The following OSBPL2 variants were observed in gnomAD, a reference collection of about 807,000 sequenced individuals.
The protein encoded by OSBPL2 is oxysterol-binding protein-related protein 2.
Under a neutral mutation model 58.4 loss-of-function variants are expected in OSBPL2, and 18 were observed. The observed-to-expected ratio is 0.31, with a 90% CI of 0.21 to 0.46. The LOEUF is 0.46. Ranked by LOEUF, OSBPL2 falls within the 20% of genes least tolerant of loss-of-function variation. The probability of loss-of-function intolerance (pLI) is 1.00; values close to 1 mark genes in which losing one functional copy is unlikely to be tolerated. For synonymous variants in OSBPL2, 221 were observed against 234.1 expected (o/e 0.94, Z 0.51); for missense variants, 461 against 616.5 (o/e 0.75, Z 2.67).
chr20:62,293,886 G>A lies in OSBPL2; in HGVS notation c.1442G>A (p.Ter481=), dbSNP rs775473641. The A allele has an allele frequency of 2.2e-5, 35 of 1,613,278 alleles. No individual in the cohort carries two copies. The highest frequency in any genetic ancestry group is 1.6e-4 in the Middle Eastern group (1 of 6,082). ...TTCTCCGACTGCCCAGATATCTACT[G>A]AGGGCCTGGAGGGGCCTGGGGCCCG... ...RNFSDCPDIY[*] Residue 481 remains the stop codon, a stop_retained_variant, in exon 14 of 14, where the codon TGA becomes TAA. Transcript: ENST00000313733.
At chr20:62,281,649 C>T (rs372583114) in intron 8 of OSBPL2, 141 bp from the exon 9 acceptor site, 9 of 603,188 alleles carry the variant, frequency 1.5e-5, no homozygotes, top group Admixed American at 5.5e-5. Flanking sequence ...ACACTTCCAT[C>T]GCCCCAAAGG....
At chr20:62,293,369 T>A (rs543239477) in intron 13 of OSBPL2, among the ~76,000 whole-genome samples, 32 of 152,282 alleles carry the variant, frequency 2.1e-4, no homozygotes, top group African/African-American at 7.2e-4. Context: ...CTACCTTCTC[T>A]TTGCCTATAA....
chr20:62,251,736 A>G (rs1425077256), intron 1 of OSBPL2, among the ~76,000 whole-genome samples: 3 of 151,634 alleles, frequency 2.0e-5, no homozygotes, highest in Non-Finnish European at 4.4e-5. Flanking sequence ...ATGAGCAGGA[A>G]TCCTCCTACC....
intron 2 of OSBPL2, among the ~76,000 whole-genome samples, chr20:62,257,270 C>A (rs1022622031): frequency 2.0e-5 from 3 of 152,086 alleles, no homozygotes; most frequent in Non-Finnish European, 4.4e-5. Context: ...GCCTCCGGTC[C>A]GTGGCCCTGC....
Position 62,250,502 on chromosome 20 carries a change from G to A in OSBPL2, c.-128-5555G>A, listed in dbSNP as rs916388240. Among the ~76,000 whole-genome samples, 5 of 152,284 alleles carry A rather than the reference G, an allele frequency of 3.3e-5. No individual in the cohort carries two copies. The East Asian group carries it at 9.6e-4, about 29-fold the overall frequency. On this transcript the variant is annotated intron_variant, in intron 1 of 13. Transcript: ENST00000313733. ...CAAACACACAGTAGCAGGCGACATC[G>A]GTGTCTCAGTTGTCCAGCTAAGCTT... is the stretch of plus-strand genomic sequence containing the variant.
chr20:62,280,876 A>G (rs1417287414), intron 7 of OSBPL2, among the ~76,000 whole-genome samples, 182 bp from the exon 8 acceptor site: 1 of 152,262 alleles, frequency 6.6e-6, no homozygotes, highest in Non-Finnish European at 1.5e-5. Flanking sequence ...AAAGGAAAGA[A>G]GAAGTACATT....
chr20:62,280,258 C>T (rs1429559306), intron 7 of OSBPL2: 6 of 540,948 alleles, frequency 1.1e-5, no homozygotes, highest in Non-Finnish European at 1.8e-5. Flanking sequence ...TTGGCCCTGC[C>T]TGGATGGTGG....
intron 7 of OSBPL2, chr20:62,279,977 T>G: frequency 7.7e-7 from 1 of 1,304,030 alleles, no homozygotes; most frequent in African/African-American, 1.5e-5. Context: ...GCCACCCCTC[T>G]TCACTCTCAG....
chr20:62,255,994 TA>T (rs780642628), intron 1 of OSBPL2, 62 bp from the exon 2 acceptor site: 6 of 555,698 alleles, frequency 1.1e-5, no homozygotes, highest in Non-Finnish European at 1.9e-5. Flanking sequence ...TGGGTATTTT[TA>T]AAATGTTTTT....
intron 10 of OSBPL2, chr20:62,284,638 G>T (rs1177859158): frequency 6.2e-6 from 1 of 161,298 alleles, no homozygotes; most frequent in Non-Finnish European, 1.4e-5. Context: ...GCCTCCCAAA[G>T]TGCTGGGATT....
At chr20:62,283,816 T>G (rs1176361273) in intron 9 of OSBPL2, among the ~76,000 whole-genome samples, 1 of 152,168 alleles carries the variant, frequency 6.6e-6, no homozygotes, top group Non-Finnish European at 1.5e-5. Context: ...TGCAGCCCGG[T>G]GGGCTGTCCA....
intron 2 of OSBPL2, 73 bp downstream of exon 2, chr20:62,256,294 C>T (rs374643150): frequency 5.9e-5 from 83 of 1,395,336 alleles, no homozygotes; most frequent in Non-Finnish European, 8.0e-5. Context: ...TTGGACCTGG[C>T]GTTTGGGGTG....
intron 12 of OSBPL2, among the ~76,000 whole-genome samples, chr20:62,290,224 A>G (rs1983402865): frequency 6.6e-6 from 1 of 151,980 alleles, no homozygotes; most frequent in Non-Finnish European, 1.5e-5. Flanking sequence ...CTGGGTTTTG[A>G]GTTAGTAATG....
At chr20:62,293,410 A>C (rs1983656058) in intron 13 of OSBPL2, among the ~76,000 whole-genome samples, 1 of 152,168 alleles carries the variant, frequency 6.6e-6, no homozygotes, top group Non-Finnish European at 1.5e-5. Context: ...TAAAAAAACC[A>C]ATACTTGGTT....
chr20:62,281,739 T>G (rs1376276226), intron 8 of OSBPL2, 51 bp from the exon 9 acceptor site: 1 of 1,403,334 alleles, frequency 7.1e-7, no homozygotes, highest in African/African-American at 1.4e-5. Flanking sequence ...AGTTACCCTT[T>G]CCGGCTGTTT....
intron 3 of OSBPL2, 24 bp from the exon 4 acceptor site, chr20:62,263,592 A>G (rs745628607): frequency 1.2e-6 from 2 of 1,606,366 alleles, no homozygotes; most frequent in Non-Finnish European, 1.7e-6. Flanking sequence ...ATTCACCCAC[A>G]CGCACCCCTT....
At chr20:62,277,983 T>G (rs888685864) in intron 6 of OSBPL2, among the ~76,000 whole-genome samples, 2 of 152,098 alleles carry the variant, frequency 1.3e-5, no homozygotes, top group African/African-American at 4.8e-5. Flanking sequence ...GGGTCCTGAG[T>G]TCCTGGGCAA....
intron 1 of OSBPL2, among the ~76,000 whole-genome samples, chr20:62,244,782 C>G (rs1332952760): frequency 2.0e-5 from 3 of 152,232 alleles, no homozygotes; most frequent in African/African-American, 7.2e-5. Context: ...GGCCGCGAGG[C>G]CCAGTGGGAA....
At chr20:62,265,316 T>G (rs904237752) in intron 4 of OSBPL2, among the ~76,000 whole-genome samples, 6 of 152,236 alleles carry the variant, frequency 3.9e-5, no homozygotes, top group African/African-American at 1.4e-4. Flanking sequence ...GTATAGTCCT[T>G]ATTTACGGAC....
Sources: allele counts gnomAD v4.1 joint callset (sites outside exome capture counted in the v4.1 genomes callset), GRCh38; gene constraint gnomAD v4.1.1; transcripts MANE v1.5; gene names NCBI Gene and HGNC (gene_info 2026-07-23, HGNC 2026-07-21).